Variants in WWOX observed in about 807,000 individuals in gnomAD.
WWOX encodes the protein WW domain containing oxidoreductase.
In WWOX, 69 loss-of-function variants were observed where a neutral mutation model predicts 46.2. The ratio of observed to expected loss-of-function variants is 1.49; its 90% CI spans 1.23 to 1.82. The LOEUF (loss-of-function observed/expected upper bound fraction) is 1.82, where lower values mean the gene tolerates loss of function less well. Ranked by LOEUF, WWOX falls within the 40% of genes most tolerant of loss-of-function variation. WWOX has a pLI of 0.00. For synonymous variants in WWOX, 359 were observed against 202.6 expected (o/e 1.77, Z -6.56); for missense variants, 919 against 542.6 (o/e 1.69, Z -6.89).
intron 8 of WWOX, among the ~76,000 whole-genome samples, chr16:78,816,761 T>A (rs2051341138): frequency 6.6e-6 from 1 of 152,064 alleles, no homozygotes; most frequent in South Asian, 2.1e-4. Flanking sequence ...TGGCTCTGAT[T>A]TTGTGGCTCA....
At chr16:78,684,926 C>G (rs1204901815) in intron 8 of WWOX, among the ~76,000 whole-genome samples, 1 of 152,170 alleles carries the variant, frequency 6.6e-6, no homozygotes, top group Admixed American at 6.5e-5. Context: ...AACTAGTGAA[C>G]ACATGTTGTT....
chr16:78,447,478 T>C (rs1724270124), intron 8 of WWOX, among the ~76,000 whole-genome samples: 1 of 152,198 alleles, frequency 6.6e-6, no homozygotes, highest in African/African-American at 2.4e-5. Context: ...AGCTAGCAAG[T>C]GACAGGGATG....
intron 8 of WWOX, among the ~76,000 whole-genome samples, chr16:79,108,785 T>C (rs947163296): frequency 6.6e-6 from 1 of 151,864 alleles, no homozygotes; most frequent in African/African-American, 2.4e-5. Flanking sequence ...CCTGTAATCC[T>C]AGCTACTTGG....
At chr16:78,808,731 A>T (rs1424940367) in intron 8 of WWOX, among the ~76,000 whole-genome samples, 1 of 152,102 alleles carries the variant, frequency 6.6e-6, no homozygotes, top group East Asian at 1.9e-4. Context: ...TTAATATCCT[A>T]CGTCAAAGAT....
intron 8 of WWOX, among the ~76,000 whole-genome samples, chr16:78,514,972 C>T (rs1000149693): frequency 3.3e-5 from 5 of 152,116 alleles, no homozygotes; most frequent in Non-Finnish European, 7.3e-5. Flanking sequence ...ATAATCCCAG[C>T]ACTTGGGGAG....
Position 78,345,840 on chromosome 16 carries a change from G to A in WWOX, c.517-41020G>A, listed in dbSNP as rs551645319. On this transcript the variant is annotated intron_variant, in intron 5 of 8. Coordinates refer to ENST00000566780, the MANE Select transcript of WWOX (RefSeq NM_016373.4). ...ATTGACACATGCCTTTTGCTTACTTGCTTGGATTGGTTTGATCAACTTTGT... is the reference window on the plus strand; with the variant it reads ...ATTGACACATGCCTTTTGCTTACTTACTTGGATTGGTTTGATCAACTTTGT... Among the ~76,000 whole-genome samples the A allele has an allele frequency of 5.4e-4, 64 of 118,420 alleles. 14 individuals carry two copies. The Middle Eastern group carries it at 0.012, about 22-fold the overall frequency. The allele number at this position is 118,420 out of a possible 152,430, so 77.7% of individuals were successfully genotyped here.
chr16:79,074,442 T>G (rs1330280326), intron 8 of WWOX, among the ~76,000 whole-genome samples: 10 of 116,408 alleles, frequency 8.6e-5, no homozygotes, highest in Non-Finnish European at 1.4e-4. Flanking sequence ...TTTTTTTTTT[T>G]GGTCATATTT....
chr16:79,000,423 A>T (rs1461314290), intron 8 of WWOX, among the ~76,000 whole-genome samples: 1 of 152,194 alleles, frequency 6.6e-6, no homozygotes, highest in Admixed American at 6.5e-5. Flanking sequence ...AGATTGAAAG[A>T]TCATCCTGGA....
chr16:78,715,925 C>A (rs575772233), intron 8 of WWOX, among the ~76,000 whole-genome samples: 22 of 152,238 alleles, frequency 1.4e-4, no homozygotes, highest in African/African-American at 5.3e-4. Flanking sequence ...AGAGGTAGAG[C>A]CTTGGGAAGG....
chr16:79,187,119 C>T (rs1597457365), intron 8 of WWOX, among the ~76,000 whole-genome samples: 1 of 152,150 alleles, frequency 6.6e-6, no homozygotes, highest in Non-Finnish European at 1.5e-5. Flanking sequence ...GACACTGAGC[C>T]GAACCCCCTG....
intron 8 of WWOX, among the ~76,000 whole-genome samples, chr16:78,754,796 G>A (rs1226860123): frequency 1.3e-5 from 2 of 152,056 alleles, no homozygotes. Context: ...GACCTCTAAG[G>A]CCTCTACTTA....
At chr16:78,848,931 G>T (rs1294405481) in intron 8 of WWOX, among the ~76,000 whole-genome samples, 1 of 151,912 alleles carries the variant, frequency 6.6e-6, no homozygotes, top group Non-Finnish European at 1.5e-5. Flanking sequence ...TTTTCTGCTG[G>T]TTGTGATCAT....
intron 8 of WWOX, among the ~76,000 whole-genome samples, chr16:78,923,794 G>GTTTTTTTTTT (rs56852814): frequency 2.9e-5 from 3 of 102,166 alleles, no homozygotes; most frequent in African/African-American, 4.5e-5. Context: ...TTTTTAGTTA[G>GTTTTTTTTTT]TTTTTTTTTT....
chr16:78,610,134 C>G (rs2045865325), intron 8 of WWOX, among the ~76,000 whole-genome samples: 1 of 152,202 alleles, frequency 6.6e-6, no homozygotes, highest in Admixed American at 6.5e-5. Flanking sequence ...AAGGTGTCCT[C>G]ACTTGGTGCC....
At chr16:78,539,513 A>G (rs966112341) in intron 8 of WWOX, among the ~76,000 whole-genome samples, 1 of 152,238 alleles carries the variant, frequency 6.6e-6, no homozygotes, top group African/African-American at 2.4e-5. Context: ...AAGTGAAAAA[A>G]TATTTAGTTA....
chr16:78,989,954 G>A (rs559419838), intron 8 of WWOX, among the ~76,000 whole-genome samples: 174 of 151,792 alleles, frequency 1.1e-3, no homozygotes, highest in African/African-American at 3.8e-3. Context: ...AGGCCGGGGC[G>A]AGCAAATTGC....
chr16:79,190,170 G>T (rs114260862), intron 8 of WWOX, among the ~76,000 whole-genome samples: 57 of 152,048 alleles, frequency 3.7e-4, no homozygotes, highest in African/African-American at 1.4e-3. Context: ...GATTTTAGGT[G>T]TGCAACACCA....
chr16:78,165,504 C>G lies in WWOX; in HGVS notation c.516+1215C>G, dbSNP rs187334066. ...AAGGAAGAAGTGATTGAACTAAGAT[C>G]TGAAGAAAGACCTGAAGAGGGTGGA... On this transcript the variant is annotated intron_variant, in intron 5 of 8. Coordinates refer to ENST00000566780, the MANE Select transcript of WWOX (RefSeq NM_016373.4). Among the ~76,000 whole-genome samples, 267 of 152,164 alleles carry G rather than the reference C, an allele frequency of 1.8e-3. 1 individual carries two copies. Among genetic ancestry groups the G allele is most frequent in the Middle Eastern group, 0.017 (5 of 294 alleles).
At chr16:78,542,760 C>T (rs976954859) in intron 8 of WWOX, among the ~76,000 whole-genome samples, 1 of 152,224 alleles carries the variant, frequency 6.6e-6, no homozygotes, top group Non-Finnish European at 1.5e-5. Context: ...GAATGCATTT[C>T]TGTGAGAAGT....
Sources: allele counts gnomAD v4.1 joint callset (sites outside exome capture counted in the v4.1 genomes callset), GRCh38; gene constraint gnomAD v4.1.1; transcripts MANE v1.5; gene names NCBI Gene and HGNC (gene_info 2026-07-23, HGNC 2026-07-21).